Variants in CHRNA3 observed in about 807,000 individuals in gnomAD.
The protein encoded by CHRNA3 is cholinergic receptor nicotinic alpha 3 subunit.
A neutral mutation model predicts 41.9 loss-of-function variants in CHRNA3; 34 were observed. The ratio of observed to expected loss-of-function variants is 0.81; its 90% CI spans 0.62 to 1.08. The LOEUF (loss-of-function observed/expected upper bound fraction) is 1.08. CHRNA3 is among the 50% of genes least tolerant of loss of function. CHRNA3 has a pLI of 0.00. For synonymous variants in CHRNA3, 281 were observed against 265.2 expected, an observed-to-expected ratio of 1.06 and a Z score of -0.58; for missense variants, 542 against 638.3, an observed-to-expected ratio of 0.85 and a Z score of 1.63.
chr15:78,613,946 G>A (rs1348724322), intron 4 of CHRNA3, among the ~76,000 whole-genome samples: 5 of 151,714 alleles, frequency 3.3e-5, no homozygotes, highest in Non-Finnish European at 5.9e-5. Flanking sequence ...ACTCCATCTC[G>A]GGGTGGGGGG....
At chr15:78,602,392 C>T (rs911487008) in intron 4 of CHRNA3, 128 bp from the exon 5 acceptor site, 4 of 1,048,942 alleles carry the variant, frequency 3.8e-6, no homozygotes, top group African/African-American at 3.2e-5. Flanking sequence ...GCTAAAGTGC[C>T]ATAAAAGGTC....
chr15:78,604,063 G>A (rs2141329006), intron 4 of CHRNA3, among the ~76,000 whole-genome samples: 1 of 152,304 alleles, frequency 6.6e-6, no homozygotes, highest in African/African-American at 2.4e-5. Context: ...TCAACAAAAT[G>A]TCAGAGCGGC....
At chr15:78,617,192 T>G in intron 3 of CHRNA3, 59 bp from the exon 4 acceptor site, 1 of 1,189,090 alleles carries the variant, frequency 8.4e-7, no homozygotes, top group Non-Finnish European at 1.2e-6. Flanking sequence ...CTGGTTTTAC[T>G]TCCCGTGGCA....
At chr15:78,616,494 G>A (rs1455088785) in intron 4 of CHRNA3, among the ~76,000 whole-genome samples, 1 of 151,998 alleles carries the variant, frequency 6.6e-6, no homozygotes, top group East Asian at 1.9e-4. Flanking sequence ...AGGTGAGGAG[G>A]GACCGTTTAC....
At chr15:78,611,265 C>CA (rs1188979313) in intron 4 of CHRNA3, among the ~76,000 whole-genome samples, 1 of 151,938 alleles carries the variant, frequency 6.6e-6, no homozygotes, top group Non-Finnish European at 1.5e-5. Context: ...GAGACACAAC[C>CA]AAAAAAGAGA....
In CHRNA3 at chr15:78,596,465, A is replaced by G. The variant is rs79861914; in HGVS notation, c.*139T>C. 1.1e-5 allele frequency: 14 copies of G among 1,317,256 alleles called. No individual in the cohort carries two copies. Among genetic ancestry groups the G allele is most frequent in the Admixed American group, 3.6e-5 (1 of 27,670 alleles). 81.6% of individuals were successfully genotyped at this position (1,317,256 alleles called of 1,614,324 possible). A position where few individuals can be genotyped will look rare whatever the true frequency, so the allele number is the denominator to read the frequency against. On this transcript the variant is annotated 3_prime_UTR_variant, in exon 6 of 6. Transcript: ENST00000326828. ...ATTTTTTTTTTTGCATGATTCCAAG[A>G]TAAGTGGAAAATAAGTAAACCTCGA...
intron 4 of CHRNA3, among the ~76,000 whole-genome samples, chr15:78,613,116 TTGG>T (rs1596081330): frequency 6.6e-6 from 1 of 152,298 alleles, no homozygotes; most frequent in African/African-American, 2.4e-5. Context: ...TTTTACACTG[TTGG>T]TGGGAGTGTA....
In CHRNA3 at chr15:78,596,026, T is replaced by G. The variant is rs1377614776; in HGVS notation, c.*578A>C. ...TTTATGGTGTACTAAGACAGTTATA[T>G]TAACAATGAATAACTAGGCATGATT... On this transcript the variant is annotated 3_prime_UTR_variant, in exon 6 of 6. Transcript: ENST00000326828. 1 of 961,706 alleles carries G rather than the reference T, an allele frequency of 1.0e-6. No individual in the cohort carries two copies. Among genetic ancestry groups the G allele is most frequent in the Non-Finnish European group, 1.2e-6 (1 of 808,632 alleles). 59.6% of individuals were successfully genotyped at this position (961,706 alleles called of 1,614,324 possible). A position where few individuals can be genotyped will look rare whatever the true frequency, so the allele number is the denominator to read the frequency against.
At position 78,596,723 on chromosome 15, in the gene CHRNA3, C is replaced by A. The variant is rs199617381; in HGVS notation, c.1399G>T (p.Asp467Tyr). 3.7e-6 allele frequency: 6 copies of A among 1,600,962 alleles called. No individual in the cohort carries two copies. Among genetic ancestry groups the A allele is most frequent in the South Asian group, 1.1e-5 (1 of 87,692 alleles). ...AQNEAKEIQD[D>Y]WKYVAMVIDR... ...ATCACCATGGCAACATACTTCCAAT[C>A]ATCTTGAATCTGCAAAACAAAATGA... Residue 467 changes from aspartate (D) to tyrosine (Y), a missense_variant, in exon 6 of 6, where the codon GAT (aspartate) becomes TAT (tyrosine). Asp to Tyr is a radical substitution (Grantham distance 160, BLOSUM62 -3). Coordinates refer to ENST00000326828, the MANE Select transcript of CHRNA3 (RefSeq NM_000743.5).
chr15:78,605,429 A>G (rs966301653), intron 4 of CHRNA3, among the ~76,000 whole-genome samples: 14 of 152,042 alleles, frequency 9.2e-5, no homozygotes, highest in Non-Finnish European at 1.9e-4. Flanking sequence ...CAGCCGGGGG[A>G]AAAGAAAGAA....
chr15:78,620,366 A>G (rs1282964774), intron 1 of CHRNA3: 1 of 171,398 alleles, frequency 5.8e-6, no homozygotes, highest in Non-Finnish European at 1.3e-5. Flanking sequence ...TTTGGGAGCC[A>G]GTGCGCGGGG....
At chr15:78,606,352 A>G (rs960479567) in intron 4 of CHRNA3, among the ~76,000 whole-genome samples, 19 of 143,768 alleles carry the variant, frequency 1.3e-4, no homozygotes, top group African/African-American at 4.6e-4. Context: ...AAAAAAAAAT[A>G]CAAACACAAG....
chr15:78,598,598 TG>T (rs2053148948), intron 5 of CHRNA3, among the ~76,000 whole-genome samples: 1 of 152,132 alleles, frequency 6.6e-6, no homozygotes, highest in Non-Finnish European at 1.5e-5. Context: ...TGGAGTGCAG[TG>T]GCATGACCTC....
At chr15:78,603,866 C>T (rs57708953) in intron 4 of CHRNA3, among the ~76,000 whole-genome samples, 9,987 of 152,068 alleles carry the variant, frequency 0.066, 982 homozygotes, top group East Asian at 0.31. Context: ...AGTATTCCTG[C>T]TCCTGGCTCC....
chr15:78,601,980 T>TA lies in CHRNA3; in HGVS notation c.661dup (p.Tyr221LeufsTer51), dbSNP rs1237791583. ...GGGGTAGATCTCCTCGCAGCAGTTG[T>TA]ACTTGATGTCGTGTTTGTAGCCTGG... On this transcript the variant is annotated frameshift_variant, in exon 5 of 6. Coordinates refer to ENST00000326828, the MANE Select transcript of CHRNA3 (RefSeq NM_000743.5). LOFTEE classifies it high-confidence loss of function. 5 of 1,613,580 alleles carry TA rather than the reference T, an allele frequency of 3.1e-6. No individual in the cohort carries two copies. Among genetic ancestry groups the TA allele is most frequent in the Admixed American group, 1.7e-5 (1 of 59,984 alleles).
chr15:78,613,785 A>AC (rs71148546), intron 4 of CHRNA3, among the ~76,000 whole-genome samples: 1 of 147,688 alleles, frequency 6.8e-6, no homozygotes, highest in South Asian at 2.2e-4. Flanking sequence ...ACCAAAAAAA[A>AC]CCACAAAAAA....
chr15:78,617,928 C>T (rs1240468106), intron 3 of CHRNA3, among the ~76,000 whole-genome samples: 2 of 152,192 alleles, frequency 1.3e-5, no homozygotes, highest in South Asian at 2.1e-4. Flanking sequence ...CTACCAACAA[C>T]AGCAGCATCT....
At chr15:78,606,373 AACAC>A (rs1411051660) in intron 4 of CHRNA3, among the ~76,000 whole-genome samples, 2 of 151,612 alleles carry the variant, frequency 1.3e-5, no homozygotes, top group Non-Finnish European at 2.9e-5. Context: ...TAACTGAATT[AACAC>A]ACACGCAGAT....
chr15:78,601,153 G>T, intron 5 of CHRNA3, 100 bp downstream of exon 5: 2 of 1,200,520 alleles, frequency 1.7e-6, no homozygotes, highest in Non-Finnish European at 2.4e-6. Flanking sequence ...ACTCCAGAGG[G>T]CAATTTCTTA....
Sources: allele counts gnomAD v4.1 joint callset (sites outside exome capture counted in the v4.1 genomes callset), GRCh38; gene constraint gnomAD v4.1.1; transcripts MANE v1.5; gene names NCBI Gene and HGNC (gene_info 2026-07-23, HGNC 2026-07-21).